The following PKP4 variants were observed in gnomAD, a reference collection of about 807,000 sequenced individuals.
PKP4 encodes the protein plakophilin-4.
Under a neutral mutation model 145.1 loss-of-function variants are expected in PKP4, and 90 were observed. The ratio of observed to expected loss-of-function variants is 0.62; its 90% CI spans 0.52 to 0.74. The LOEUF (loss-of-function observed/expected upper bound fraction) is 0.74, where lower values mean the gene tolerates loss of function less well. Ranked by LOEUF, PKP4 falls within the 30% of genes least tolerant of loss-of-function variation. The pLI is 0.00. For missense variants in PKP4, 1,340 were observed against 1,482.7 expected, an observed-to-expected ratio of 0.90 and a Z score of 1.58; for synonymous variants, 563 against 577.2, an observed-to-expected ratio of 0.98 and a Z score of 0.35.
intron 9 of PKP4, among the ~76,000 whole-genome samples, chr2:158,639,341 T>TGTGTGC (rs1402004897): frequency 4.0e-5 from 6 of 151,858 alleles, no homozygotes; most frequent in East Asian, 1.9e-4. Context: ...TGTGTGTGTG[T>TGTGTGC]GCGTGCGTGT....
At chr2:158,607,469 C>A (rs563480900) in intron 4 of PKP4, among the ~76,000 whole-genome samples, 1 of 151,946 alleles carries the variant, frequency 6.6e-6, no homozygotes, top group East Asian at 1.9e-4. Flanking sequence ...GATGAAGCAC[C>A]CAAGAGATAA....
intron 1 of PKP4, among the ~76,000 whole-genome samples, chr2:158,474,096 A>G (rs897228484): frequency 6.6e-6 from 1 of 152,146 alleles, no homozygotes; most frequent in Non-Finnish European, 1.5e-5. Context: ...GACCAGAACA[A>G]TTGTTTTACT....
At chr2:158,517,763 A>C (rs1449484954) in intron 1 of PKP4, among the ~76,000 whole-genome samples, 1 of 151,740 alleles carries the variant, frequency 6.6e-6, no homozygotes, top group African/African-American at 2.4e-5. Context: ...CAAAAAAAAA[A>C]ATGAAAATTA....
chr2:158,573,251 A>G (rs1258063449), intron 2 of PKP4, among the ~76,000 whole-genome samples: 1 of 152,258 alleles, frequency 6.6e-6, no homozygotes, highest in Non-Finnish European at 1.5e-5. Context: ...AGCAATCTGC[A>G]AAAACTGTAC....
chr2:158,621,566 C>T (rs564761641), intron 6 of PKP4, 145 bp downstream of exon 6: 64 of 620,226 alleles, frequency 1.0e-4, no homozygotes, highest in African/African-American at 1.9e-4. Flanking sequence ...CCTAACATGG[C>T]GAAACCCCGT....
intron 1 of PKP4, among the ~76,000 whole-genome samples, chr2:158,470,344 T>C (rs1473397951): frequency 6.6e-6 from 1 of 152,188 alleles, no homozygotes; most frequent in Admixed American, 6.5e-5. Context: ...CAAACCTTAA[T>C]TACTCTCCTT....
At chr2:158,553,635 T>C (rs1198213194) in intron 2 of PKP4, among the ~76,000 whole-genome samples, 1 of 152,160 alleles carries the variant, frequency 6.6e-6, no homozygotes, top group Non-Finnish European at 1.5e-5. Context: ...AGTCATAGTC[T>C]CAGACTTTAA....
At chr2:158,551,136 G>A (rs776893526) in intron 2 of PKP4, among the ~76,000 whole-genome samples, 4 of 152,064 alleles carry the variant, frequency 2.6e-5, no homozygotes, top group Non-Finnish European at 5.9e-5. Context: ...TTAGGCTTAC[G>A]TGGAAAAGAA....
chr2:158,608,178 T>C, intron 4 of PKP4, among the ~76,000 whole-genome samples: 1 of 152,300 alleles, frequency 6.6e-6, no homozygotes, highest in East Asian at 1.9e-4. Context: ...TAAACATATA[T>C]ACCTTCACTG....
intron 20 of PKP4, among the ~76,000 whole-genome samples, chr2:158,677,609 T>A (rs2058119000): frequency 6.6e-6 from 1 of 152,178 alleles, no homozygotes; most frequent in African/African-American, 2.4e-5. Context: ...TAAAAATAAA[T>A]AAAAGCTGGT....
At chr2:158,486,094 A>C (rs2105449809) in intron 1 of PKP4, among the ~76,000 whole-genome samples, 1 of 152,334 alleles carries the variant, frequency 6.6e-6, no homozygotes, top group African/African-American at 2.4e-5. Flanking sequence ...ATTGGAATTT[A>C]TAACATTAAA....
chr2:158,508,557 C>T (rs1177885739), intron 1 of PKP4, among the ~76,000 whole-genome samples: 4 of 152,100 alleles, frequency 2.6e-5, no homozygotes, highest in Non-Finnish European at 5.9e-5. Flanking sequence ...AGTAGTAACT[C>T]AGAAAGAGTA....
intron 3 of PKP4, among the ~76,000 whole-genome samples, chr2:158,585,501 A>G (rs1438819659): frequency 1.3e-5 from 2 of 152,238 alleles, no homozygotes; most frequent in African/African-American, 4.8e-5. Context: ...AATGTTTTAG[A>G]GCTGACAGCA....
At position 158,458,464 on chromosome 2, in the gene PKP4, G is replaced by A. The variant is rs550080019; in HGVS notation, c.-6+1246G>A. 5 of 152,488 alleles carry A rather than the reference G, an allele frequency of 3.3e-5. No homozygotes were observed. The South Asian group carries it at 1.0e-3, about 32-fold the overall frequency. The allele number at this position is 152,488 out of a possible 1,614,324, so 9.4% of individuals were successfully genotyped here. A position where few individuals can be genotyped will look rare whatever the true frequency, so the allele number is the denominator to read the frequency against. ...TTGGGGCCGATGACTGTGTAGCCAAGGTTATTGATCATTGCACAGGGCTGT... is the reference window on the plus strand; with the variant it reads ...TTGGGGCCGATGACTGTGTAGCCAAAGTTATTGATCATTGCACAGGGCTGT... On this transcript the variant is annotated intron_variant, in intron 1 of 21. Coordinates refer to ENST00000389759, the MANE Select transcript of PKP4 (RefSeq NM_003628.6).
chr2:158,594,996 A>G (rs1457728309), intron 3 of PKP4, among the ~76,000 whole-genome samples: 1 of 152,182 alleles, frequency 6.6e-6, no homozygotes, highest in African/African-American at 2.4e-5. Context: ...GCTTAGTGCA[A>G]TGATGAAGAG....
chr2:158,616,169 CA>C (rs1234959374), intron 4 of PKP4, among the ~76,000 whole-genome samples: 1 of 152,224 alleles, frequency 6.6e-6, no homozygotes, highest in Non-Finnish European at 1.5e-5. Flanking sequence ...ATGTTTCCGT[CA>C]CCCTGAAACA....
chr2:158,564,785 C>T (rs749002516), intron 2 of PKP4, among the ~76,000 whole-genome samples: 1 of 152,164 alleles, frequency 6.6e-6, no homozygotes, highest in Non-Finnish European at 1.5e-5. Flanking sequence ...AGGTGGTAAT[C>T]TAGCTTTGTT....
At chr2:158,513,678 C>A (rs570597228) in intron 1 of PKP4, among the ~76,000 whole-genome samples, 10 of 152,352 alleles carry the variant, frequency 6.6e-5, no homozygotes, top group African/African-American at 2.2e-4. Flanking sequence ...TTACCACCTT[C>A]ACTGGGACCA....
intron 4 of PKP4, among the ~76,000 whole-genome samples, chr2:158,606,377 T>G (rs2050659664): frequency 6.6e-6 from 1 of 152,098 alleles, no homozygotes; most frequent in South Asian, 2.1e-4. Flanking sequence ...TTCTGATTTC[T>G]CCACGTCCTC....
Sources: gnomAD v4.1 joint callset for allele counts (sites outside exome capture counted in the v4.1 genomes callset) on GRCh38, gnomAD v4.1.1 for gene constraint, MANE v1.5 for transcripts, NCBI Gene and HGNC (gene_info 2026-07-23, HGNC 2026-07-21) for gene names.